The following AAMDC variants were observed in gnomAD, a reference collection of about 807,000 sequenced individuals.
The protein encoded by AAMDC is adipogenesis associated Mth938 domain containing, also known as mth938 domain-containing protein.
AAMDC carries 16 observed loss-of-function variants against 15.5 expected under a neutral mutation model. The observed-to-expected ratio is 1.03, with a 90% CI of 0.70 to 1.57. AAMDC has a LOEUF of 1.57. AAMDC is among the 40% of genes most tolerant of loss of function. The probability of loss-of-function intolerance (pLI) is 0.00; values close to 1 mark genes in which losing one functional copy is unlikely to be tolerated. For synonymous variants in AAMDC, 51 were observed against 51.6 expected, an observed-to-expected ratio of 0.99 and a Z score of 0.05; for missense variants, 141 against 144.9, an observed-to-expected ratio of 0.97 and a Z score of 0.14.
At chr11:77,828,139 G>C (rs1049247412) in intron 1 of AAMDC, among the ~76,000 whole-genome samples, 1 of 152,044 alleles carries the variant, frequency 6.6e-6, no homozygotes, top group African/African-American at 2.4e-5. Flanking sequence ...GCTGGGCATG[G>C]TGATGCGCAC....
chr11:77,827,254 C>A (rs1172047401), intron 1 of AAMDC, among the ~76,000 whole-genome samples: 1 of 152,038 alleles, frequency 6.6e-6, no homozygotes, highest in African/African-American at 2.4e-5. Flanking sequence ...CAAATTCATA[C>A]CAAAAACTAG....
chr11:77,829,019 A>G (rs1949302533), intron 1 of AAMDC, among the ~76,000 whole-genome samples: 1 of 152,246 alleles, frequency 6.6e-6, no homozygotes, highest in Admixed American at 6.5e-5. Context: ...GTAATGGCAT[A>G]TGACAGACTG....
chr11:77,861,606 T>G (rs1950881069), intron 2 of AAMDC, among the ~76,000 whole-genome samples: 1 of 152,214 alleles, frequency 6.6e-6, no homozygotes, highest in Admixed American at 6.5e-5. Flanking sequence ...GGCCTTCCAG[T>G]GATTCCCTTG....
intron 1 of AAMDC, among the ~76,000 whole-genome samples, chr11:77,828,541 G>A (rs1013795228): frequency 6.6e-6 from 1 of 150,942 alleles, no homozygotes; most frequent in Non-Finnish European, 1.5e-5. Flanking sequence ...TGGGGTAGTG[G>A]GCGCCTGTAG....
chr11:77,863,651 T>A (rs585172), intron 2 of AAMDC, among the ~76,000 whole-genome samples: 60,557 of 151,906 alleles, frequency 0.4, 12,647 homozygotes, highest in African/African-American at 0.51. Context: ...GGCCTCCCAA[T>A]GTGCTGGGAT....
chr11:77,902,346 A>T (rs1952803089), downstream of AAMDC, among the ~76,000 whole-genome samples: 1 of 152,110 alleles, frequency 6.6e-6, no homozygotes, highest in African/African-American at 2.4e-5. Flanking sequence ...TTTTCCTTCC[A>T]AATTATTGCT....
intron 1 of AAMDC, among the ~76,000 whole-genome samples, chr11:77,830,755 A>G (rs1949385407): frequency 6.6e-6 from 1 of 152,080 alleles, no homozygotes; most frequent in Admixed American, 6.6e-5. Context: ...TTGGCATTTC[A>G]CCAAAGAAAA....
intron 1 of AAMDC, among the ~76,000 whole-genome samples, chr11:77,828,111 A>G (rs1288744741): frequency 6.6e-6 from 1 of 151,680 alleles, no homozygotes; most frequent in Non-Finnish European, 1.5e-5. Flanking sequence ...CATCTCTACT[A>G]AAAAATACAA....
chr11:77,885,567 C>A (rs929022914), intron 5 of AAMDC, among the ~76,000 whole-genome samples: 6 of 151,846 alleles, frequency 4.0e-5, no homozygotes, highest in African/African-American at 1.5e-4. Flanking sequence ...ACCTGTAATC[C>A]CAGCACTTTG....
At chr11:77,884,834 A>G in intron 5 of AAMDC, 1 of 401,872 alleles carries the variant, frequency 2.5e-6, no homozygotes, top group Non-Finnish European at 5.2e-6. Flanking sequence ...AACTCACTGA[A>G]GCCTCAAACT....
intron 1 of AAMDC, among the ~76,000 whole-genome samples, chr11:77,823,923 A>G (rs1263430033): frequency 6.6e-6 from 1 of 152,168 alleles, no homozygotes; most frequent in Non-Finnish European, 1.5e-5. Flanking sequence ...TTCTAAAAAA[A>G]AAAAAAAGCT....
At chr11:77,867,893 G>C (rs1051368468) in intron 2 of AAMDC, among the ~76,000 whole-genome samples, 1 of 152,064 alleles carries the variant, frequency 6.6e-6, no homozygotes, top group Non-Finnish European at 1.5e-5. Context: ...GGAAGATTAG[G>C]AAGTTCAGAA....
At chr11:77,882,309 C>T (rs1951826079) in intron 5 of AAMDC, among the ~76,000 whole-genome samples, 1 of 152,082 alleles carries the variant, frequency 6.6e-6, no homozygotes, top group African/African-American at 2.4e-5. Flanking sequence ...GGAAATGGGG[C>T]CTAGGAAAAA....
At chr11:77,842,390 T>C in intron 1 of AAMDC, 89 bp from the exon 2 acceptor site, 2 of 1,230,460 alleles carry the variant, frequency 1.6e-6, no homozygotes, top group Non-Finnish European at 2.3e-6. Context: ...TCTTAAATCA[T>C]GGAGAATCAG....
In AAMDC at chr11:77,828,370, C is replaced by T. The variant is rs189210966; in HGVS notation, c.-19+7129C>T. 8.6e-4 allele frequency among the ~76,000 whole-genome samples: 131 copies of T among 151,830 alleles called. 2 individuals are homozygous for T. In the East Asian group the frequency reaches 0.022, roughly 25 times the overall value. ...TTTAGAGATTTCTTAAAAAGAAATA[C>T]AAGAATGAAAATTATAGCCGGGTGC... On this transcript the variant is annotated intron_variant, in intron 1 of 3. Coordinates refer to ENST00000393427, the MANE Select transcript of AAMDC (RefSeq NM_024684.4).
At chr11:77,832,476 G>A (rs1949478779) in intron 1 of AAMDC, among the ~76,000 whole-genome samples, 2 of 151,984 alleles carry the variant, frequency 1.3e-5, no homozygotes. Context: ...ACAGGCATGC[G>A]CCACCATGCC....
intron 5 of AAMDC, among the ~76,000 whole-genome samples, chr11:77,878,287 A>G (rs1023377645): frequency 1.1e-4 from 17 of 151,896 alleles, no homozygotes; most frequent in South Asian, 8.3e-4. Context: ...GCTTGAACCC[A>G]GGAGGCAGAG....
chr11:77,899,001 T>C (rs1022464658), intron 5 of AAMDC, among the ~76,000 whole-genome samples: 9 of 151,828 alleles, frequency 5.9e-5, no homozygotes, highest in South Asian at 2.1e-4. Context: ...GCCTGGGTGA[T>C]AGAGCAAGAC....
At chr11:77,890,036 T>G (rs1203385140) in intron 5 of AAMDC, among the ~76,000 whole-genome samples, 1 of 152,184 alleles carries the variant, frequency 6.6e-6, no homozygotes, top group African/African-American at 2.4e-5. Flanking sequence ...ATAGGCCCTA[T>G]TCTCAGGATT....
Sources: gnomAD v4.1 joint callset for allele counts (sites outside exome capture counted in the v4.1 genomes callset) on GRCh38, gnomAD v4.1.1 for gene constraint, MANE v1.5 for transcripts, NCBI Gene and HGNC (gene_info 2026-07-23, HGNC 2026-07-21) for gene names.